Variants in NSD1 observed in about 807,000 individuals in gnomAD.
The protein encoded by NSD1 is histone-lysine N-methyltransferase, H3 lysine-36 specific.
Under a neutral mutation model 242.7 loss-of-function variants are expected in NSD1, and 26 were observed. That is an observed-to-expected ratio of 0.11 (90% CI 0.08 to 0.15). The LOEUF (loss-of-function observed/expected upper bound fraction) is 0.15. Ranked by LOEUF, NSD1 falls within the 10% of genes least tolerant of loss-of-function variation. The pLI is 1.00. For missense variants in NSD1, 2,495 were observed against 3,272.8 expected, an observed-to-expected ratio of 0.76 and a Z score of 5.80; for synonymous variants, 1,106 against 1,178.1, an observed-to-expected ratio of 0.94 and a Z score of 1.25.
Position 177,294,630 on chromosome 5 carries a change from C to T in NSD1, c.7262C>T (p.Pro2421Leu). ...HASLSQRLPP[P>L]EKVLSAVVQT... ...TCTTTGTCCCAGAGACTCCCACCTC[C>T]TGAGAAAGTACTATCAGCTGTGGTC... Residue 2421 changes from proline to leucine, a missense_variant, in exon 23 of 23, where the codon CCT becomes CTT. Coordinates refer to ENST00000439151, the MANE Select transcript of NSD1 (RefSeq NM_022455.5). 6.2e-7 allele frequency: 1 copy of T among 1,614,214 alleles called. No individual in the cohort carries two copies. Among genetic ancestry groups the T allele is most frequent in the Non-Finnish European group, 8.5e-7 (1 of 1,180,046 alleles).
intron 2 of NSD1, among the ~76,000 whole-genome samples, chr5:177,188,305 G>A (rs2149816617): frequency 6.6e-6 from 1 of 152,196 alleles, no homozygotes; most frequent in Middle Eastern, 3.4e-3. Flanking sequence ...CTGTGGTCTG[G>A]AATTCTTGCC....
intron 2 of NSD1, among the ~76,000 whole-genome samples, chr5:177,184,384 G>A (rs891674322): frequency 6.6e-6 from 1 of 152,072 alleles, no homozygotes; most frequent in African/African-American, 2.4e-5. Flanking sequence ...TGAGCACCTT[G>A]TCATATTCTT....
chr5:177,164,195 G>T (rs1342710935), intron 2 of NSD1, among the ~76,000 whole-genome samples: 3 of 133,602 alleles, frequency 2.2e-5, no homozygotes, highest in African/African-American at 8.5e-5. Flanking sequence ...TAGCTCTGTT[G>T]CCCAAGCTGG....
At chr5:177,199,311 G>A (rs1762332734) in intron 3 of NSD1, among the ~76,000 whole-genome samples, 1 of 152,114 alleles carries the variant, frequency 6.6e-6, no homozygotes. Flanking sequence ...AGGCTGGAGT[G>A]TAGTGACGCG....
intron 5 of NSD1, among the ~76,000 whole-genome samples, chr5:177,219,749 G>T (rs2149861954): frequency 6.6e-6 from 1 of 152,222 alleles, no homozygotes; most frequent in East Asian, 1.9e-4. Context: ...ATCACCTGAG[G>T]TCAGGAGTTC....
Position 177,181,332 on chromosome 5 carries a change from A to G in NSD1, c.928-10552A>G, listed in dbSNP as rs79598882. 7.4e-3 allele frequency among the ~76,000 whole-genome samples: 1,131 copies of G among 152,180 alleles called. 20 individuals carry two copies. The highest frequency in any genetic ancestry group is 0.025 in the African/African-American group (1,058 of 41,530). ...AGAAAGAAGCTCTACTGTGCATAAA[A>G]TACTATCAAATGGCATTGAATGCTA... On this transcript the variant is annotated intron_variant, in intron 2 of 22. Transcript: ENST00000439151.
At chr5:177,154,635 C>G (rs1280939247) in intron 2 of NSD1, among the ~76,000 whole-genome samples, 1 of 152,062 alleles carries the variant, frequency 6.6e-6, no homozygotes, top group African/African-American at 2.4e-5. Flanking sequence ...CTTCCTTTTT[C>G]ACATAATGGT....
At chr5:177,287,517 T>A (rs1759432549) in intron 20 of NSD1, among the ~76,000 whole-genome samples, 1 of 152,156 alleles carries the variant, frequency 6.6e-6, no homozygotes, top group Non-Finnish European at 1.5e-5. Flanking sequence ...GCGCCTGTAA[T>A]CCCAGCTACT....
At chr5:177,240,442 A>G (rs185560056) in intron 8 of NSD1, among the ~76,000 whole-genome samples, 3 of 152,196 alleles carry the variant, frequency 2.0e-5, no homozygotes, top group Admixed American at 2.0e-4. Context: ...GGCCGGGCGC[A>G]GTGGCTCATG....
intron 2 of NSD1, among the ~76,000 whole-genome samples, chr5:177,143,858 C>G (rs1290071091): frequency 6.8e-6 from 1 of 147,202 alleles, no homozygotes; most frequent in African/African-American, 2.5e-5. Context: ...GATCTTGGCT[C>G]ACTGCAACCT....
rs150939524 is a variant in NSD1 at position 177,264,286 on chromosome 5, G to A, written c.5147-3276G>A. 4.9e-3 allele frequency among the ~76,000 whole-genome samples: 753 copies of A among 152,164 alleles called. 5 individuals carry two copies. The highest frequency in any genetic ancestry group is 0.011 in the South Asian group (53 of 4,818). On this transcript the variant is annotated intron_variant, in intron 14 of 22. Coordinates refer to ENST00000439151, the MANE Select transcript of NSD1 (RefSeq NM_022455.5). The stretch of plus-strand genomic sequence containing the variant: ...TAAAAACTTTGCATATGTAAAAGAT[G>A]CATTCAAAATAGAAGACAGATCAAT...
intron 5 of NSD1, among the ~76,000 whole-genome samples, chr5:177,223,143 C>T (rs371027316): frequency 6.6e-6 from 1 of 151,066 alleles, no homozygotes; most frequent in African/African-American, 2.4e-5. Flanking sequence ...AACCCAGAGC[C>T]GGATCTTGGC....
At chr5:177,259,041 G>T (rs1333971129) in intron 13 of NSD1, among the ~76,000 whole-genome samples, 3 of 151,982 alleles carry the variant, frequency 2.0e-5, no homozygotes, top group Admixed American at 6.6e-5. Flanking sequence ...CGCCATGTTG[G>T]CCAGACTGTT....
chr5:177,265,602 G>C, intron 14 of NSD1: 3 of 1,388,618 alleles, frequency 2.2e-6, no homozygotes, highest in South Asian at 2.3e-5. Context: ...GAGCAGGACA[G>C]GTCGCACAGA....
At chr5:177,245,632 CTT>C (rs540362237) in intron 9 of NSD1, among the ~76,000 whole-genome samples, 50 of 134,452 alleles carry the variant, frequency 3.7e-4, no homozygotes, top group Admixed American at 4.5e-4. Flanking sequence ...GAATTTCTTT[CTT>C]TTTTTTTTTT....
chr5:177,195,453 GTCTC>G (rs142942152), intron 3 of NSD1, among the ~76,000 whole-genome samples: 3 of 150,742 alleles, frequency 2.0e-5, no homozygotes, highest in Admixed American at 6.6e-5. Flanking sequence ...TCATTAGGGT[GTCTC>G]TCTCTCTCTC....
chr5:177,159,030 G>GATATATATATATATATATATGAATGATAT (rs35942745), intron 2 of NSD1, among the ~76,000 whole-genome samples: 1 of 113,868 alleles, frequency 8.8e-6, no homozygotes, highest in African/African-American at 4.3e-5. Context: ...ATATATGAAT[G>GATATATATATATATATATATGAATGATAT]ATATATATAT....
At chr5:177,227,818 C>A (rs531936224) in intron 5 of NSD1, among the ~76,000 whole-genome samples, 2 of 152,014 alleles carry the variant, frequency 1.3e-5, no homozygotes, top group African/African-American at 4.8e-5. Flanking sequence ...CACAGTGGCT[C>A]ACACCTGTAA....
At chr5:177,230,202 A>G (rs1320279953) in intron 5 of NSD1, among the ~76,000 whole-genome samples, 1 of 152,016 alleles carries the variant, frequency 6.6e-6, no homozygotes, top group Non-Finnish European at 1.5e-5. Context: ...GCTCACTGCA[A>G]CCTCTGCCTC....
Sources: allele counts gnomAD v4.1 joint callset (sites outside exome capture counted in the v4.1 genomes callset), GRCh38; gene constraint gnomAD v4.1.1; transcripts MANE v1.5; gene names NCBI Gene and HGNC (gene_info 2026-07-23, HGNC 2026-07-21).